Variants in BRD1 observed in about 807,000 individuals in gnomAD.
BRD1 encodes the protein bromodomain containing 1, also known as bromodomain-containing protein 1.
In BRD1, 24 loss-of-function variants were observed where a neutral mutation model predicts 107.7. That is an observed-to-expected ratio of 0.22 (90% CI 0.16 to 0.31). The LOEUF (loss-of-function observed/expected upper bound fraction) is 0.31, where lower values mean the gene tolerates loss of function less well. BRD1 is among the 10% of genes least tolerant of loss of function. BRD1 has a pLI of 1.00. For synonymous variants in BRD1, 744 were observed against 686.1 expected (o/e 1.08, Z -1.32); for missense variants, 1,279 against 1,638.6 (o/e 0.78, Z 3.79).
At position 49,783,722 on chromosome 22, in the gene BRD1, C is replaced by T. The variant is rs965091459; in HGVS notation, c.2857+3668G>A. ...CGGGCGCCAGCACCATTCCCACTGCCGGGCTCTGACTTACAGAGGGGGTGG... is the reference window on the plus strand; with the variant it reads ...CGGGCGCCAGCACCATTCCCACTGCTGGGCTCTGACTTACAGAGGGGGTGG... On this transcript the variant is annotated intron_variant, in intron 8 of 12. Transcript: ENST00000404760. The surrounding 1 kb of genome is among the most constrained non-coding windows in gnomAD (Gnocchi z 4.2). Among the ~76,000 whole-genome samples, 4 of 129,968 alleles carry T rather than the reference C, an allele frequency of 3.1e-5. No homozygotes were observed. Among genetic ancestry groups the T allele is most frequent in the African/African-American group, 8.6e-5 (3 of 34,824 alleles). The allele number at this position is 129,968 out of a possible 152,430, so 85.3% of individuals were successfully genotyped here.
intron 2 of BRD1, among the ~76,000 whole-genome samples, chr22:49,816,299 C>T (rs115613049): frequency 1.3e-5 from 2 of 152,048 alleles, no homozygotes; most frequent in African/African-American, 2.4e-5. Context: ...CCTAGGATTG[C>T]GCCACTTCAC....
intron 2 of BRD1, among the ~76,000 whole-genome samples, chr22:49,808,020 C>G (rs1298197416): frequency 7.0e-6 from 1 of 143,514 alleles, no homozygotes; most frequent in Non-Finnish European, 1.5e-5. Context: ...AAAATACTAA[C>G]AAAAAACAAA....
intron 8 of BRD1, among the ~76,000 whole-genome samples, chr22:49,782,578 G>A (rs1407878991): frequency 5.6e-5 from 8 of 143,492 alleles, no homozygotes; most frequent in African/African-American, 1.6e-4. Context: ...GACTCGCTCC[G>A]TGACAATGCA....
chr22:49,821,578 GTAA>G (rs2060066481), intron 2 of BRD1, among the ~76,000 whole-genome samples: 1 of 151,252 alleles, frequency 6.6e-6, no homozygotes, highest in Non-Finnish European at 1.5e-5. Flanking sequence ...GTAAAGTAGA[GTAA>G]TATTAACAAA....
chr22:49,818,352 TA>T, intron 2 of BRD1: 1 of 1,251,214 alleles, frequency 8.0e-7, no homozygotes, highest in Non-Finnish European at 1.0e-6. Flanking sequence ...CAGTCTCTTT[TA>T]AGACACTTTC....
chr22:49,801,790 G>A (rs1358857733), intron 3 of BRD1, among the ~76,000 whole-genome samples: 1 of 152,216 alleles, frequency 6.6e-6, no homozygotes, highest in East Asian at 1.9e-4. Flanking sequence ...GGTTCCAGCG[G>A]GTCACCTCTT....
At chr22:49,821,635 C>T (rs1041884298) in intron 2 of BRD1, among the ~76,000 whole-genome samples, 2 of 151,456 alleles carry the variant, frequency 1.3e-5, no homozygotes, top group Non-Finnish European at 2.9e-5. Flanking sequence ...CACAGTTTCA[C>T]TCTGTCACGC....
intron 2 of BRD1, among the ~76,000 whole-genome samples, chr22:49,809,784 G>T (rs1157829737): frequency 6.6e-6 from 1 of 152,064 alleles, no homozygotes; most frequent in East Asian, 1.9e-4. Flanking sequence ...TGCCTAACGG[G>T]ACATCTTGAA....
At chr22:49,782,491 G>C (rs371098340) in intron 8 of BRD1, among the ~76,000 whole-genome samples, 1 of 129,016 alleles carries the variant, frequency 7.8e-6, no homozygotes, top group Non-Finnish European at 1.6e-5. Context: ...ACAGACCCAA[G>C]GCCCATCTTG....
chr22:49,820,704 G>C (rs1254555217), intron 2 of BRD1: 1 of 152,396 alleles, frequency 6.6e-6, no homozygotes. Flanking sequence ...AGTGCCCAGG[G>C]CCTAAGAACA....
intron 6 of BRD1, among the ~76,000 whole-genome samples, chr22:49,795,801 G>A (rs907077039): frequency 7.2e-5 from 11 of 152,234 alleles, no homozygotes; most frequent in Non-Finnish European, 1.5e-4. Flanking sequence ...CCAGAGGCTA[G>A]AGAAGGACCT....
chr22:49,825,106 C>G (rs1317538039), intron 1 of BRD1, among the ~76,000 whole-genome samples: 1 of 152,228 alleles, frequency 6.6e-6, no homozygotes, highest in Admixed American at 6.5e-5. Flanking sequence ...CCTGCCCCTT[C>G]CCCTCAGGGG....
chr22:49,799,891 A>G (rs893313676), intron 3 of BRD1, among the ~76,000 whole-genome samples: 1 of 152,110 alleles, frequency 6.6e-6, no homozygotes, highest in Non-Finnish European at 1.5e-5. Flanking sequence ...GCCTGGCCGC[A>G]TGAGGCCTGC....
intron 2 of BRD1, among the ~76,000 whole-genome samples, chr22:49,820,069 G>A (rs866512086): frequency 1.9e-4 from 29 of 152,046 alleles, no homozygotes; most frequent in Admixed American, 5.9e-4. Flanking sequence ...GGTGGAGGTT[G>A]CAGTGAGCCA....
chr22:49,790,422 C>G (rs1291388019), intron 7 of BRD1, among the ~76,000 whole-genome samples: 2 of 152,174 alleles, frequency 1.3e-5, no homozygotes, highest in Non-Finnish European at 2.9e-5. Context: ...AGAACATGCT[C>G]GATACAACTC....
At chr22:49,813,254 G>T (rs545618000) in intron 2 of BRD1, among the ~76,000 whole-genome samples, 14 of 152,084 alleles carry the variant, frequency 9.2e-5, no homozygotes, top group African/African-American at 3.4e-4. Flanking sequence ...ATGGAGTCTC[G>T]CTCTGTCGCT....
chr22:49,775,601 T>C lies in BRD1; in HGVS notation c.3376A>G (p.Lys1126Glu). 1 of 1,608,280 alleles carries C rather than the reference T, an allele frequency of 6.2e-7. No homozygotes were observed. Among genetic ancestry groups the C allele is most frequent in the Non-Finnish European group, 8.5e-7 (1 of 1,177,310 alleles). Residue 1126 changes from lysine (K) to glutamate (E), a missense_variant, in exon 12 of 13, where the codon AAG becomes GAG. Transcript: ENST00000404760. ...GGCCTCTCAACTCACCAACTTCTCT[T>C]ATTATCAAAAAAGAGAACGAGGAAC... Reference protein sequence around the residue: ...KLFLVLFFDNKRSWQWLPKSK... With the variant: ...KLFLVLFFDNERSWQWLPKSK...
chr22:49,776,212 C>A (rs2059096484), intron 10 of BRD1, 53 bp from the exon 11 acceptor site: 3 of 1,493,832 alleles, frequency 2.0e-6, no homozygotes, highest in Middle Eastern at 1.7e-4. Context: ...ACGGGGCACG[C>A]CCCGCCCCCC....
chr22:49,795,931 G>A (rs2059522273), intron 6 of BRD1, among the ~76,000 whole-genome samples: 1 of 152,232 alleles, frequency 6.6e-6, no homozygotes, highest in African/African-American at 2.4e-5. Context: ...TCAGCCTGGA[G>A]AGCGCAGCTT....
Sources: gnomAD v4.1 joint callset for allele counts (sites outside exome capture counted in the v4.1 genomes callset) on GRCh38, gnomAD v4.1.1 for gene constraint, Gnocchi (gnomAD v3.1) non-coding constraint, MANE v1.5 for transcripts, NCBI Gene and HGNC (gene_info 2026-07-23, HGNC 2026-07-21) for gene names.